PDK1: variants seen among roughly 807,000 people sequenced by gnomAD.
PDK1 encodes the protein [Pyruvate dehydrogenase (acetyl-transferring)] kinase isozyme 1, mitochondrial.
PDK1 carries 39 observed loss-of-function variants against 54.2 expected under a neutral mutation model. The ratio of observed to expected loss-of-function variants is 0.72; its 90% CI spans 0.56 to 0.94. The LOEUF (loss-of-function observed/expected upper bound fraction) is 0.94, where lower values mean the gene tolerates loss of function less well. Ranked by LOEUF, PDK1 falls within the 40% of genes least tolerant of loss-of-function variation. The pLI is 0.00. For synonymous variants in PDK1, 221 were observed against 207.1 expected (o/e 1.07, Z -0.58); for missense variants, 552 against 566.0 (o/e 0.98, Z 0.25).
rs775223373 is a variant in PDK1 at position 172,586,374 on chromosome 2, C to T, written c.1042C>T (p.Arg348Cys). The change falls in exon 9 of 11, where the codon CGC becomes TGC. Residue 348 changes from arginine to cysteine, a missense_variant. By Grantham distance (180) the Arg-to-Cys change is radical. Transcript: ENST00000282077. The part of the protein sequence containing the change: ...TAPRPRVETS[R>C]AVPLAGFGYG... The stretch of plus-strand genomic sequence containing the variant: ...ACCAAGACCTCGTGTTGAGACCTCC[C>T]GCGCAGTGCCTCTGGTATGTTATCA... 1.4e-5 allele frequency: 23 copies of T among 1,591,374 alleles called. No homozygotes were observed. The Admixed American group carries it at 1.8e-4, about 13-fold the overall frequency.
the PDK1 span, among the ~76,000 whole-genome samples, chr2:172,614,871 T>C: frequency 6.6e-6 from 1 of 152,208 alleles, no homozygotes; most frequent in Non-Finnish European, 1.5e-5. Context: ...AAAGATTTCA[T>C]AAAAATTAAG....
the PDK1 span, among the ~76,000 whole-genome samples, chr2:172,704,068 C>T: frequency 6.6e-6 from 1 of 152,116 alleles, no homozygotes; most frequent in East Asian, 1.9e-4. Context: ...GCCACCGTGC[C>T]CGGCCTACTT....
At chr2:172,583,957 G>C (rs1410553888) in intron 8 of PDK1, among the ~76,000 whole-genome samples, 1 of 152,222 alleles carries the variant, frequency 6.6e-6, no homozygotes, top group East Asian at 1.9e-4. Flanking sequence ...TAGTAGATTA[G>C]AATATAAGCT....
chr2:172,630,484 C>G, the PDK1 span, among the ~76,000 whole-genome samples: 264 of 152,300 alleles, frequency 1.7e-3, 5 homozygotes, highest in African/African-American at 6.0e-3. Context: ...TTGGAGAGAA[C>G]AGACAGAAAA....
the PDK1 span, among the ~76,000 whole-genome samples, chr2:172,626,160 G>A: frequency 6.6e-6 from 1 of 152,092 alleles, no homozygotes; most frequent in African/African-American, 2.4e-5. Context: ...AAGAAACTAA[G>A]TTTATTTATT....
At chr2:172,619,868 G>C in the PDK1 span, among the ~76,000 whole-genome samples, 7 of 152,176 alleles carry the variant, frequency 4.6e-5, no homozygotes, top group Admixed American at 3.3e-4. Context: ...GAACATTCCA[G>C]ACAAAACTGA....
chr2:172,628,129 TG>T, the PDK1 span, among the ~76,000 whole-genome samples: 1 of 152,238 alleles, frequency 6.6e-6, no homozygotes, highest in African/African-American at 2.4e-5. Flanking sequence ...CCTTGATTTA[TG>T]GTTTTGGCCA....
At chr2:172,680,418 C>G in the PDK1 span, among the ~76,000 whole-genome samples, 3 of 152,256 alleles carry the variant, frequency 2.0e-5, no homozygotes, top group Non-Finnish European at 4.4e-5. Flanking sequence ...GTAGCGTGAT[C>G]ATAGCTCACT....
At chr2:172,698,979 C>T in the PDK1 span, among the ~76,000 whole-genome samples, 1,852 of 152,206 alleles carry the variant, frequency 0.012, 17 homozygotes, top group Middle Eastern at 0.031. Flanking sequence ...AGGAGAGTGC[C>T]TTGACTCAAA....
chr2:172,584,263 C>T (rs1574511089), intron 8 of PDK1, among the ~76,000 whole-genome samples: 1 of 151,800 alleles, frequency 6.6e-6, no homozygotes, highest in East Asian at 1.9e-4. Flanking sequence ...CTGAAAACCC[C>T]AAACAAGAAG....
chr2:172,720,099 TC>T, the PDK1 span, among the ~76,000 whole-genome samples: 252 of 114,366 alleles, frequency 2.2e-3, 1 homozygote, highest in Non-Finnish European at 2.0e-3. Flanking sequence ...AGAGCTTTTC[TC>T]TCTCTCTCTC....
intron 8 of PDK1, among the ~76,000 whole-genome samples, chr2:172,579,525 C>CTT (rs10660737): frequency 0.14 from 16,697 of 122,384 alleles, 1,437 homozygotes; most frequent in East Asian, 0.22. Context: ...CCCGCTCTTT[C>CTT]TTTTTTTTTT....
intron 2 of PDK1, 130 bp downstream of exon 2, chr2:172,558,979 T>C (rs1006999401): frequency 1.1e-6 from 1 of 949,534 alleles, no homozygotes; most frequent in Admixed American, 2.9e-5. Context: ...GACGGAGTCT[T>C]GCTCTGTCGC....
At chr2:172,612,813 C>A (rs1691504167), downstream of PDK1, among the ~76,000 whole-genome samples, 1 of 152,098 alleles carries the variant, frequency 6.6e-6, no homozygotes, top group Non-Finnish European at 1.5e-5. Context: ...AGGCATGCCA[C>A]CACACCTGGC....
At chr2:172,555,867 C>G (rs545033591), upstream of PDK1, 1 of 302,606 alleles carries the variant, frequency 3.3e-6, no homozygotes, top group South Asian at 1.2e-4. Context: ...TGGGCGGCGG[C>G]TGCGGCCTGG....
intron 3 of PDK1, chr2:172,563,915 T>C (rs913798867): frequency 9.2e-6 from 4 of 435,412 alleles, no homozygotes; most frequent in Admixed American, 7.6e-5. Context: ...ATGGGAAGAC[T>C]AGATGATTTG....
rs1435726134 is a variant in PDK1 at position 172,592,987 on chromosome 2, A to C, written c.1109A>C (p.Gln370Pro). ...PISRLYAQYF[Q>P]GDLKLYSLEG... is the part of the protein sequence containing the mutation. Reference sequence around the variant, plus strand: ...TCACGTCTTTACGCACAATACTTCCAAGGAGACCTGAAGCTGTATTCCCTA... The same window carrying C: ...TCACGTCTTTACGCACAATACTTCCCAGGAGACCTGAAGCTGTATTCCCTA... The change falls in exon 10 of 11, where the codon CAA (glutamine) becomes CCA (proline). Residue 370 changes from glutamine to proline, a missense_variant. Physicochemically the swap from Gln to Pro is moderately conservative, Grantham distance 76 (BLOSUM62 -1). Coordinates refer to ENST00000282077, the MANE Select transcript of PDK1 (RefSeq NM_002610.5). 6.2e-7 allele frequency: 1 copy of C among 1,612,598 alleles called. No homozygotes were observed. The highest frequency in any genetic ancestry group is 8.5e-7 in the Non-Finnish European group (1 of 1,178,936).
chr2:172,684,988 A>T, the PDK1 span, among the ~76,000 whole-genome samples: 1 of 152,150 alleles, frequency 6.6e-6, no homozygotes, highest in East Asian at 1.9e-4. Flanking sequence ...ATGAGTTCTC[A>T]TGAGATCTGA....
At chr2:172,576,908 C>T (rs1689614128) in intron 8 of PDK1, among the ~76,000 whole-genome samples, 1 of 152,152 alleles carries the variant, frequency 6.6e-6, no homozygotes, top group African/African-American at 2.4e-5. Context: ...TCCATGTGTA[C>T]TTGAGAAAAG....
Sources: allele counts gnomAD v4.1 joint callset (sites outside exome capture counted in the v4.1 genomes callset), GRCh38; gene constraint gnomAD v4.1.1; transcripts MANE v1.5; gene names NCBI Gene and HGNC (gene_info 2026-07-23, HGNC 2026-07-21).